The following SNTG2 variants were observed in gnomAD, a reference collection of about 807,000 sequenced individuals.
SNTG2 encodes the protein gamma-2-syntrophin.
In SNTG2, 74 loss-of-function variants were observed where a neutral mutation model predicts 70.9. The ratio of observed to expected loss-of-function variants is 1.04; its 90% CI spans 0.86 to 1.27. The LOEUF (loss-of-function observed/expected upper bound fraction) is 1.27, where lower values mean the gene tolerates loss of function less well. Ranked by LOEUF, SNTG2 falls within the 50% of genes most tolerant of loss-of-function variation. The pLI, the probability that SNTG2 is intolerant of heterozygous loss-of-function variation, is 0.00. For synonymous variants in SNTG2, 278 were observed against 273.8 expected, an observed-to-expected ratio of 1.02 and a Z score of -0.15; for missense variants, 717 against 690.7, an observed-to-expected ratio of 1.04 and a Z score of -0.43.
chr2:1,057,033 C>T (rs1161257972), intron 1 of SNTG2, among the ~76,000 whole-genome samples: 1 of 151,408 alleles, frequency 6.6e-6, no homozygotes, highest in Non-Finnish European at 1.5e-5. Flanking sequence ...CTGCGGGGAA[C>T]GATGCATGCC....
At chr2:1,365,590 T>A (rs1470118536) in intron 16 of SNTG2, among the ~76,000 whole-genome samples, 1 of 152,118 alleles carries the variant, frequency 6.6e-6, no homozygotes, top group Non-Finnish European at 1.5e-5. Context: ...TCGCTGGCTC[T>A]CCACTTGGCA....
chr2:1,262,160 G>C (rs1678448528), intron 13 of SNTG2, among the ~76,000 whole-genome samples: 2 of 152,232 alleles, frequency 1.3e-5, no homozygotes, highest in Admixed American at 6.5e-5. Context: ...AGGAGAGAGA[G>C]AGAGATTCAG....
chr2:952,633 A>G (rs1660013889), intron 1 of SNTG2, among the ~76,000 whole-genome samples: 2 of 151,504 alleles, frequency 1.3e-5, no homozygotes, highest in South Asian at 4.2e-4. Flanking sequence ...ATTATTTGAA[A>G]CAGCCTGTCT....
intron 1 of SNTG2, among the ~76,000 whole-genome samples, chr2:1,049,755 C>T (rs1661949519): frequency 6.6e-6 from 1 of 152,218 alleles, no homozygotes; most frequent in Non-Finnish European, 1.5e-5. Flanking sequence ...TTTGCATTCT[C>T]ACCAGCAATG....
chr2:1,247,512 C>G (rs1677504721), intron 12 of SNTG2, 69 bp downstream of exon 12: 7 of 1,091,518 alleles, frequency 6.4e-6, no homozygotes, highest in Non-Finnish European at 8.4e-6. Context: ...AGGGGGAAAG[C>G]TACATCTGGT....
At chr2:990,330 G>A (rs1161155005) in intron 1 of SNTG2, among the ~76,000 whole-genome samples, 2 of 152,196 alleles carry the variant, frequency 1.3e-5, no homozygotes, top group Non-Finnish European at 2.9e-5. Context: ...CCAAGCCTCT[G>A]CAACCAAATC....
intron 13 of SNTG2, among the ~76,000 whole-genome samples, chr2:1,265,446 GCA>G (rs1042959112): frequency 6.6e-6 from 1 of 152,110 alleles, no homozygotes; most frequent in Non-Finnish European, 1.5e-5. Flanking sequence ...GTTCTCACGT[GCA>G]CACACCACAA....
chr2:977,622 T>C (rs1289826362), intron 1 of SNTG2, among the ~76,000 whole-genome samples: 1 of 152,198 alleles, frequency 6.6e-6, no homozygotes, highest in East Asian at 1.9e-4. Flanking sequence ...CCATCTTGCC[T>C]GTGAGTCGTA....
intron 6 of SNTG2, among the ~76,000 whole-genome samples, chr2:1,140,407 C>T (rs1012073432): frequency 1.3e-5 from 2 of 152,116 alleles, no homozygotes; most frequent in Admixed American, 1.3e-4. Context: ...TGTCTCTCTT[C>T]AGAGAAAAAG....
intron 6 of SNTG2, among the ~76,000 whole-genome samples, chr2:1,157,282 T>C (rs1218081055): frequency 3.3e-5 from 5 of 152,216 alleles, no homozygotes. Context: ...GCCCTGGCTC[T>C]ACCCCTGACC....
At chr2:1,083,392 C>A in intron 1 of SNTG2, 126 bp from the exon 2 acceptor site, 1 of 836,548 alleles carries the variant, frequency 1.2e-6, no homozygotes, top group Non-Finnish European at 1.9e-6. Flanking sequence ...GAGCACAGAT[C>A]TGTGCACACG....
chr2:1,118,093 A>G (rs1007035725), intron 4 of SNTG2, among the ~76,000 whole-genome samples: 1 of 152,032 alleles, frequency 6.6e-6, no homozygotes, highest in African/African-American at 2.4e-5. Context: ...AGCTTTGTGG[A>G]CAATCTGAAG....
intron 4 of SNTG2, chr2:1,102,780 C>T (rs912645482): frequency 6.6e-6 from 1 of 152,390 alleles, no homozygotes; most frequent in African/African-American, 2.4e-5. Context: ...CAGAGACTTG[C>T]TGTAGGTGGA....
At chr2:1,090,191 C>T (rs1043607856) in intron 2 of SNTG2, among the ~76,000 whole-genome samples, 4 of 152,112 alleles carry the variant, frequency 2.6e-5, no homozygotes, top group African/African-American at 9.7e-5. Context: ...TAGTCCATTC[C>T]TTTAAGGACT....
chr2:1,140,085 A>G (rs996934522), intron 6 of SNTG2, among the ~76,000 whole-genome samples: 42 of 152,150 alleles, frequency 2.8e-4, no homozygotes, highest in Non-Finnish European at 2.5e-4. Flanking sequence ...TCACTTCCTC[A>G]TTTTTCAGAG....
Position 1,237,793 on chromosome 2 carries a change from G to A in SNTG2, c.720-95G>A, listed in dbSNP as rs1051544886. 30 of 1,481,512 alleles carry A rather than the reference G, an allele frequency of 2.0e-5. No homozygotes were observed. The East Asian group carries it at 6.5e-4, about 32-fold the overall frequency. 91.8% of individuals were successfully genotyped at this position (1,481,512 alleles called of 1,614,324 possible). A position where few individuals can be genotyped will look rare whatever the true frequency, so the allele number is the denominator to read the frequency against. ...GCAGTTGCCCCATGTCCTGGGTCCA[G>A]GGTAGAGCCCTGCTGAGCATCAGCC... On this transcript the variant is annotated intron_variant, in intron 9 of 16. Coordinates refer to ENST00000308624, the MANE Select transcript of SNTG2 (RefSeq NM_018968.4).
intron 1 of SNTG2, among the ~76,000 whole-genome samples, chr2:975,506 G>A (rs1243449036): frequency 6.6e-6 from 1 of 152,216 alleles, no homozygotes; most frequent in Admixed American, 6.5e-5. Flanking sequence ...GGGGCAAGGA[G>A]TATTGAGTAC....
chr2:1,348,528 C>G (rs1340254911), intron 16 of SNTG2, among the ~76,000 whole-genome samples: 4 of 152,250 alleles, frequency 2.6e-5, no homozygotes, highest in Non-Finnish European at 4.4e-5. Context: ...TTTATATACA[C>G]TCAACCAATT....
intron 6 of SNTG2, among the ~76,000 whole-genome samples, chr2:1,162,094 G>T (rs893787354): frequency 2.1e-5 from 2 of 94,624 alleles, no homozygotes; most frequent in Admixed American, 2.2e-4. Flanking sequence ...AAAAAAAAAA[G>T]TGCTTGTTTT....
Sources: allele counts gnomAD v4.1 joint callset (sites outside exome capture counted in the v4.1 genomes callset), GRCh38; gene constraint gnomAD v4.1.1; transcripts MANE v1.5; gene names NCBI Gene and HGNC (gene_info 2026-07-23, HGNC 2026-07-21).